KANK1: variants seen among roughly 807,000 people sequenced by gnomAD.
The protein encoded by KANK1 is KN motif and ankyrin repeat domains 1.
KANK1 carries 109 observed loss-of-function variants against 106.2 expected under a neutral mutation model. The ratio of observed to expected loss-of-function variants is 1.03; its 90% CI spans 0.88 to 1.20. The LOEUF (loss-of-function observed/expected upper bound fraction) is 1.20. Ranked by LOEUF, KANK1 falls within the 50% of genes most tolerant of loss-of-function variation. The pLI, the probability that KANK1 is intolerant of heterozygous loss-of-function variation, is 0.00. For synonymous variants in KANK1, 873 were observed against 652.2 expected (o/e 1.34, Z -5.16); for missense variants, 2,399 against 1,710.7 (o/e 1.40, Z -7.10).
intron 1 of KANK1, among the ~76,000 whole-genome samples, chr9:601,489 T>C (rs1361892399): frequency 6.6e-6 from 1 of 151,904 alleles, no homozygotes; most frequent in African/African-American, 2.4e-5. Context: ...TGATGTTTCC[T>C]AGTGTTTACC....
chr9:731,324 T>TTG, intron 5 of KANK1, 58 bp downstream of exon 5: 1 of 1,025,146 alleles, frequency 9.8e-7, no homozygotes, highest in Non-Finnish European at 1.5e-6. Context: ...ACCTCCTGCC[T>TTG]AAGTCACATT....
At chr9:643,767 A>C (rs1274548707) in intron 1 of KANK1, among the ~76,000 whole-genome samples, 8 of 149,758 alleles carry the variant, frequency 5.3e-5, no homozygotes, top group Admixed American at 5.3e-4. Context: ...CAGTGGGATG[A>C]TCTTGGCTCA....
chr9:667,574 C>G (rs1362813644), intron 1 of KANK1, among the ~76,000 whole-genome samples: 2 of 151,850 alleles, frequency 1.3e-5, no homozygotes, highest in Non-Finnish European at 1.5e-5. Context: ...ATAAACCTCC[C>G]TCTTAGTACT....
intron 2 of KANK1, among the ~76,000 whole-genome samples, chr9:704,775 G>A (rs965410794): frequency 2.0e-5 from 3 of 152,044 alleles, no homozygotes; most frequent in Non-Finnish European, 2.9e-5. Context: ...GAGGCCAGGA[G>A]TTCAAGACCA....
At chr9:538,560 C>T (rs1435054112) in intron 1 of KANK1, among the ~76,000 whole-genome samples, 1 of 152,184 alleles carries the variant, frequency 6.6e-6, no homozygotes, top group African/African-American at 2.4e-5. Context: ...TTGGAACAGT[C>T]CTAACTTAAT....
intron 1 of KANK1, among the ~76,000 whole-genome samples, chr9:513,265 A>G (rs1331098952): frequency 6.6e-6 from 1 of 152,260 alleles, no homozygotes; most frequent in Non-Finnish European, 1.5e-5. Context: ...TATTTTCACC[A>G]ATGAAGAATC....
chr9:543,965 A>C (rs182364723), intron 1 of KANK1, among the ~76,000 whole-genome samples: 2 of 151,836 alleles, frequency 1.3e-5, no homozygotes, highest in African/African-American at 4.8e-5. Context: ...TTCTTACGCT[A>C]TCTTTATTTG....
intron 1 of KANK1, among the ~76,000 whole-genome samples, chr9:606,346 C>T (rs1829153155): frequency 7.2e-6 from 1 of 138,792 alleles, no homozygotes; most frequent in Non-Finnish European, 1.5e-5. Flanking sequence ...CACCTGAGGT[C>T]AGGAATTCGA....
rs143251758 is a variant in KANK1, at chr9:718,553, G to A, written c.2698+5089G>A. ...TTGAACTTTTGGGCTCAAGCAATTCGCCTGCCTCAGCCTCCCAAATTATTG... is the reference window on the plus strand; with the variant it reads ...TTGAACTTTTGGGCTCAAGCAATTCACCTGCCTCAGCCTCCCAAATTATTG... On this transcript the variant is annotated intron_variant, in intron 3 of 11. Coordinates refer to ENST00000382297, the MANE Select transcript of KANK1 (RefSeq NM_015158.5). Among the ~76,000 whole-genome samples, 655 of 152,030 alleles carry A rather than the reference G, an allele frequency of 4.3e-3. 2 individuals are homozygous for A. The highest frequency in any genetic ancestry group is 0.015 in the African/African-American group (611 of 41,438).
At position 711,965 on chromosome 9, in the gene KANK1, C is replaced by A. The variant is rs779301818; in HGVS notation, c.1199C>A (p.Ser400Tyr). 2 of 1,614,052 alleles carry A rather than the reference C, an allele frequency of 1.2e-6. No individual in the cohort carries two copies. Among genetic ancestry groups the A allele is most frequent in the Non-Finnish European group, 1.7e-6 (2 of 1,180,042 alleles). Residue 400 changes from serine (S) to tyrosine (Y), a missense_variant, in exon 3 of 12, where the codon TCT becomes TAT. Physicochemically the swap from Ser to Tyr is moderately radical, Grantham distance 144 (BLOSUM62 -2). Transcript: ENST00000382297. Reference protein sequence around the residue: ...SELRENGECRSVAVGAEENMN... With the variant: ...SELRENGECRYVAVGAEENMN... The stretch of plus-strand genomic sequence containing the variant: ...CTCAGGGAGAATGGAGAGTGCCGGT[C>A]TGTGGCTGTGGGTGCCGAGGAGAAC...
intron 1 of KANK1, among the ~76,000 whole-genome samples, chr9:613,726 C>T (rs1015130457): frequency 1.3e-5 from 2 of 152,082 alleles, no homozygotes; most frequent in Admixed American, 1.3e-4. Context: ...AGATTAAAAA[C>T]AGGATACTTC....
Position 657,543 on chromosome 9 carries a change from G to GT in KANK1, c.-83-19340dup, listed in dbSNP as rs531067570. On this transcript the variant is annotated intron_variant, in intron 1 of 11. Coordinates refer to ENST00000382297, the MANE Select transcript of KANK1 (RefSeq NM_015158.5). The stretch of plus-strand genomic sequence containing the variant: ...TTTCTCTACATGCTACCGATGCTTT[G>GT]TTTTTTTGTTGTTGTTTGTTCTTGT... Among the ~76,000 whole-genome samples the GT allele has an allele frequency of 3.8e-4, 57 of 151,678 alleles. No individual in the cohort carries two copies. In the East Asian group the frequency reaches 9.3e-3, roughly 25 times the overall value.
At chr9:698,447 T>C (rs1263354920) in intron 2 of KANK1, among the ~76,000 whole-genome samples, 1 of 152,198 alleles carries the variant, frequency 6.6e-6, no homozygotes, top group Non-Finnish European at 1.5e-5. Flanking sequence ...ATCACTTTTC[T>C]CTGCGGTGAG....
chr9:726,510 T>A (rs578053227), intron 3 of KANK1, among the ~76,000 whole-genome samples: 4 of 151,000 alleles, frequency 2.6e-5, no homozygotes, highest in Non-Finnish European at 5.9e-5. Flanking sequence ...ATGGTGGCAC[T>A]TGCCTGTAGC....
chr9:692,050 A>G (rs570891348), intron 2 of KANK1, among the ~76,000 whole-genome samples: 35 of 152,238 alleles, frequency 2.3e-4, no homozygotes, highest in African/African-American at 8.2e-4. Flanking sequence ...TAAAACAGAG[A>G]TCAACAAAGA....
rs968199863 is a variant in KANK1 at position 712,378 on chromosome 9, G to T, written c.1612G>T (p.Val538Phe). The T allele has an allele frequency of 1.2e-6, 2 of 1,614,176 alleles. No individual in the cohort carries two copies. The highest frequency in any genetic ancestry group is 4.5e-5 in the East Asian group (2 of 44,868). The change falls in exon 3 of 12, where the codon GTT becomes TTT. Residue 538 changes from valine to phenylalanine, a missense_variant. Val to Phe is a conservative substitution (Grantham distance 50). Coordinates refer to ENST00000382297, the MANE Select transcript of KANK1 (RefSeq NM_015158.5). ...GSHMDLVDTC[V>F]GTSVETNSVG... ...TCACATGGACCTGGTGGACACGTGT[G>T]TTGGGACCTCCGTGGAAACAAACAG...
At chr9:528,471 T>C (rs2059907324) in intron 1 of KANK1, among the ~76,000 whole-genome samples, 4 of 8,562 alleles carry the variant, frequency 4.7e-4, no homozygotes, top group Admixed American at 4.0e-3. Flanking sequence ...AAAAATAACT[T>C]TTTTTTTTTT....
In KANK1 at chr9:711,120, C is replaced by A. The variant is rs1233509093; in HGVS notation, c.354C>A (p.Ile118=). Reference sequence around the variant, plus strand: ...GAAGTCAAGTTACATCAACTCCAATCTCAAAGCCACCTCCCCCTCTGGAGA... The same window carrying A: ...GAAGTCAAGTTACATCAACTCCAATATCAAAGCCACCTCCCCCTCTGGAGA... The part of the protein sequence containing the change: ...IARSQVTSTP[I]SKPPPPLETS... The change falls in exon 3 of 12, where the codon ATC becomes ATA. Residue 118 remains isoleucine (I), a synonymous_variant. Transcript: ENST00000382297. The A allele has an allele frequency of 6.2e-7, 1 of 1,614,160 alleles. No homozygotes were observed. Among genetic ancestry groups the A allele is most frequent in the East Asian group, 2.2e-5 (1 of 44,876 alleles).
At chr9:562,762 G>C (rs1181616979) in intron 1 of KANK1, among the ~76,000 whole-genome samples, 1 of 152,186 alleles carries the variant, frequency 6.6e-6, no homozygotes, top group Non-Finnish European at 1.5e-5. Context: ...CCAATTTAAA[G>C]CTTTCTAATG....
Sources: allele counts gnomAD v4.1 joint callset (sites outside exome capture counted in the v4.1 genomes callset), GRCh38; gene constraint gnomAD v4.1.1; transcripts MANE v1.5; gene names NCBI Gene and HGNC (gene_info 2026-07-23, HGNC 2026-07-21).